The following SEC31A variants were observed in gnomAD, a reference collection of about 807,000 sequenced individuals.
SEC31A encodes SEC31 homolog A, COPII component.
SEC31A carries 70 observed loss-of-function variants against 151.0 expected under a neutral mutation model. The ratio of observed to expected loss-of-function variants is 0.46; its 90% CI spans 0.38 to 0.57. The LOEUF is 0.57. SEC31A is among the 20% of genes least tolerant of loss of function. The pLI, the probability that SEC31A is intolerant of heterozygous loss-of-function variation, is 0.00. For synonymous variants in SEC31A, 475 were observed against 505.9 expected (o/e 0.94, Z 0.82); for missense variants, 1,330 against 1,471.2 (o/e 0.90, Z 1.57).
intron 10 of SEC31A, among the ~76,000 whole-genome samples, 162 bp from the exon 11 acceptor site, chr4:82,864,760 T>C (rs947071002): frequency 6.6e-6 from 1 of 152,000 alleles, no homozygotes; most frequent in African/African-American, 2.4e-5. Flanking sequence ...AGATGAAATG[T>C]ACTTTTTTGG....
intron 1 of SEC31A, chr4:82,890,868 G>GA (rs1342462955): frequency 2.1e-5 from 29 of 1,385,740 alleles, no homozygotes; most frequent in Non-Finnish European, 1.3e-5. Flanking sequence ...CAGCAGTGGA[G>GA]ACGTCGGCGA....
At chr4:82,830,865 TGTTA>T in intron 22 of SEC31A, 1 of 594,118 alleles carries the variant, frequency 1.7e-6, no homozygotes, top group Non-Finnish European at 2.4e-6. Context: ...CATGCATTAT[TGTTA>T]ATGTCCATTC....
chr4:82,837,924 G>A (rs1727824226), intron 22 of SEC31A, among the ~76,000 whole-genome samples: 1 of 152,200 alleles, frequency 6.6e-6, no homozygotes, highest in African/African-American at 2.4e-5. Flanking sequence ...AAAGCATAGA[G>A]AATTGTGGCT....
At chr4:82,861,903 TTC>T in intron 13 of SEC31A, 195 bp from the exon 14 acceptor site, 4 of 254,284 alleles carry the variant, frequency 1.6e-5, no homozygotes, top group African/African-American at 2.5e-5. Flanking sequence ...CACTTTCCCA[TTC>T]TTTTTTTTTT....
At chr4:82,835,638 C>A (rs143052009) in intron 22 of SEC31A, among the ~76,000 whole-genome samples, 2 of 151,908 alleles carry the variant, frequency 1.3e-5, no homozygotes, top group East Asian at 3.9e-4. Context: ...TCCACTAAAA[C>A]GCAAAAATTA....
intron 3 of SEC31A, 200 bp downstream of exon 3, chr4:82,880,599 A>AG: frequency 1.8e-5 from 8 of 450,384 alleles, no homozygotes; most frequent in East Asian, 3.9e-5. Flanking sequence ...AAAAAAAAAA[A>AG]AGAAAAAAAA....
chr4:82,890,827 A>G, intron 1 of SEC31A: 1 of 1,321,892 alleles, frequency 7.6e-7, no homozygotes, highest in Non-Finnish European at 9.7e-7. Flanking sequence ...CCCCGGCAAG[A>G]CACTGTCGCC....
chr4:82,880,316 G>T (rs963050978), intron 3 of SEC31A, among the ~76,000 whole-genome samples: 4 of 152,138 alleles, frequency 2.6e-5, no homozygotes, highest in African/African-American at 9.6e-5. Flanking sequence ...CTGGCCAAGC[G>T]TGATTCCTCA....
intron 2 of SEC31A, 103 bp downstream of exon 2, chr4:82,881,755 G>A: frequency 1.2e-6 from 1 of 848,142 alleles, no homozygotes; most frequent in Non-Finnish European, 2.0e-6. Flanking sequence ...ACTTGCCAGG[G>A]AGAGAGAGGC....
intron 23 of SEC31A, among the ~76,000 whole-genome samples, chr4:82,828,673 C>CAAAAAA (rs397994259): frequency 0.088 from 3,808 of 43,086 alleles, 216 homozygotes; most frequent in South Asian, 0.13. Flanking sequence ...CAAAGTAACT[C>CAAAAAA]AAAAAAAAAA....
intron 22 of SEC31A, among the ~76,000 whole-genome samples, chr4:82,833,651 A>G (rs1240877782): frequency 6.6e-6 from 1 of 152,222 alleles, no homozygotes; most frequent in Admixed American, 6.5e-5. Flanking sequence ...CTGAAAACAT[A>G]GCAATCCCAA....
chr4:82,853,431 A>G, intron 18 of SEC31A, 139 bp downstream of exon 18: 1 of 687,430 alleles, frequency 1.5e-6, no homozygotes, highest in South Asian at 2.6e-5. Context: ...CTTCAAAGAT[A>G]GCAATAAATG....
At chr4:82,887,913 G>A (rs1180872565) in intron 1 of SEC31A, among the ~76,000 whole-genome samples, 2 of 151,962 alleles carry the variant, frequency 1.3e-5, no homozygotes, top group Admixed American at 1.3e-4. Context: ...GGGCGCAGTG[G>A]CGGGCGCCTG....
chr4:82,823,409 A>G (rs1161189073), intron 25 of SEC31A, among the ~76,000 whole-genome samples: 1 of 152,218 alleles, frequency 6.6e-6, no homozygotes, highest in Admixed American at 6.5e-5. Context: ...CATCACTCCC[A>G]GAATGTCAGG....
intron 11 of SEC31A, 46 bp downstream of exon 11, chr4:82,864,316 A>T: frequency 7.7e-7 from 1 of 1,294,780 alleles, no homozygotes; most frequent in Non-Finnish European, 1.1e-6. Flanking sequence ...AGGAACAGTT[A>T]AATTTGCAGA....
chr4:82,882,039 C>A (rs990585821), intron 1 of SEC31A, 99 bp from the exon 2 acceptor site: 1 of 880,216 alleles, frequency 1.1e-6, no homozygotes, highest in Non-Finnish European at 1.9e-6. Context: ...CAAACCACTA[C>A]AACATTAGTA....
intron 3 of SEC31A, among the ~76,000 whole-genome samples, chr4:82,896,645 G>C (rs150669303): frequency 1.3e-5 from 2 of 152,258 alleles, no homozygotes; most frequent in East Asian, 3.9e-4. Flanking sequence ...TGCAGTTCCA[G>C]CTACTTAGAG....
At chr4:82,859,016 A>T (rs978320960) in intron 14 of SEC31A, among the ~76,000 whole-genome samples, 2 of 152,112 alleles carry the variant, frequency 1.3e-5, no homozygotes, top group African/African-American at 4.8e-5. Context: ...ATATATTTTT[A>T]AATTATACTA....
chr4:82,891,053 C>T (rs1160121551), intron 1 of SEC31A, 35 bp downstream of exon 1: 6 of 1,535,574 alleles, frequency 3.9e-6, no homozygotes, highest in Non-Finnish European at 4.4e-6. Context: ...GCTTAAGGAC[C>T]GGCGAAGAGG....
Sources: gnomAD v4.1 joint callset for allele counts (sites outside exome capture counted in the v4.1 genomes callset) on GRCh38, gnomAD v4.1.1 for gene constraint, MANE v1.5 for transcripts, NCBI Gene and HGNC (gene_info 2026-07-23, HGNC 2026-07-21) for gene names.